FILIP1L: variants seen among roughly 807,000 people sequenced by gnomAD.
The protein encoded by FILIP1L is filamin A-interacting protein 1-like.
In FILIP1L, 55 loss-of-function variants were observed where a neutral mutation model predicts 96.6. The ratio of observed to expected loss-of-function variants is 0.57; its 90% CI spans 0.46 to 0.71. FILIP1L has a LOEUF of 0.71. FILIP1L is among the 30% of genes least tolerant of loss of function. FILIP1L has a pLI of 0.00. For synonymous variants in FILIP1L, 467 were observed against 473.9 expected (o/e 0.99, Z 0.19); for missense variants, 1,304 against 1,321.2 (o/e 0.99, Z 0.20).
intron 1 of FILIP1L, among the ~76,000 whole-genome samples, chr3:100,113,253 G>T (rs1377432028): frequency 6.6e-6 from 1 of 152,194 alleles, no homozygotes; most frequent in Non-Finnish European, 1.5e-5. Context: ...AAACTGTGCA[G>T]CCACCCTAAA....
intron 1 of FILIP1L, among the ~76,000 whole-genome samples, chr3:99,944,181 A>G (rs1308641337): frequency 2.0e-5 from 3 of 152,234 alleles, no homozygotes; most frequent in Non-Finnish European, 2.9e-5. Context: ...GTGCTAAACA[A>G]GTATTTTAAG....
chr3:99,856,581 C>T (rs989608986), intron 4 of FILIP1L, among the ~76,000 whole-genome samples: 2 of 152,136 alleles, frequency 1.3e-5, no homozygotes, highest in African/African-American at 4.8e-5. Context: ...TACAGCTTTC[C>T]GTTAGAGTTT....
chr3:100,059,679 C>T (rs1000408239), intron 1 of FILIP1L, among the ~76,000 whole-genome samples: 3 of 152,188 alleles, frequency 2.0e-5, no homozygotes, highest in Non-Finnish European at 4.4e-5. Context: ...TGAAAAGGAC[C>T]CATCATGCCT....
At chr3:100,079,713 T>C (rs893811878) in intron 1 of FILIP1L, among the ~76,000 whole-genome samples, 56 of 152,252 alleles carry the variant, frequency 3.7e-4, no homozygotes, top group African/African-American at 1.2e-3. Flanking sequence ...ATTAGGTACC[T>C]GTATTCACAC....
At chr3:99,903,583 G>T (rs1208514439) in intron 4 of FILIP1L, among the ~76,000 whole-genome samples, 1 of 152,058 alleles carries the variant, frequency 6.6e-6, no homozygotes, top group Non-Finnish European at 1.5e-5. Flanking sequence ...TTCCATATGG[G>T]TTAGGTGGAC....
intron 5 of FILIP1L, among the ~76,000 whole-genome samples, chr3:99,836,672 A>G (rs1942911621): frequency 6.6e-6 from 1 of 152,156 alleles, no homozygotes; most frequent in African/African-American, 2.4e-5. Context: ...CTCTATCTTA[A>G]TGATAAGAAT....
chr3:100,068,764 A>G (rs916254496), intron 1 of FILIP1L, among the ~76,000 whole-genome samples: 2 of 152,078 alleles, frequency 1.3e-5, no homozygotes, highest in Non-Finnish European at 2.9e-5. Flanking sequence ...AGTAGCTGGG[A>G]ATACAGGCGC....
intron 1 of FILIP1L, among the ~76,000 whole-genome samples, chr3:100,059,493 A>G (rs1439661391): frequency 6.6e-6 from 1 of 152,100 alleles, no homozygotes; most frequent in East Asian, 1.9e-4. Flanking sequence ...TTATTAAATA[A>G]TGGTGTGCTA....
intron 1 of FILIP1L, among the ~76,000 whole-genome samples, chr3:100,038,441 T>C (rs2107282225): frequency 6.6e-6 from 1 of 152,342 alleles, no homozygotes; most frequent in Middle Eastern, 3.4e-3. Flanking sequence ...TTTTTTTGCT[T>C]ATAGAGAATT....
At chr3:100,072,648 A>G (rs2065782485) in intron 1 of FILIP1L, among the ~76,000 whole-genome samples, 1 of 152,186 alleles carries the variant, frequency 6.6e-6, no homozygotes, top group African/African-American at 2.4e-5. Flanking sequence ...CAATTAGGAA[A>G]TCTTTATTGC....
intron 1 of FILIP1L, among the ~76,000 whole-genome samples, chr3:100,046,403 A>G (rs2107305298): frequency 6.6e-6 from 1 of 152,156 alleles, no homozygotes; most frequent in East Asian, 1.9e-4. Context: ...TATTTCTCAA[A>G]GTTGTCACTG....
At position 99,830,240 on chromosome 3, in the gene FILIP1L, T is replaced by C. The variant is rs1942625804; in HGVS notation, c.*174A>G. On this transcript the variant is annotated 3_prime_UTR_variant, in exon 6 of 6. Transcript: ENST00000477258. ...GAGTGTTTGTGTGTGCATATACACA[T>C]ATAGAAGTAAAATAATTGTAGACGT... is the stretch of plus-strand genomic sequence containing the variant. 8.7e-5 allele frequency: 30 copies of C among 343,146 alleles called. No homozygotes were observed. Among genetic ancestry groups the C allele is most frequent in the South Asian group, 6.2e-4 (27 of 43,460 alleles). 21.3% of individuals were successfully genotyped at this position (343,146 alleles called of 1,614,324 possible). A position where few individuals can be genotyped will look rare whatever the true frequency, so the allele number is the denominator to read the frequency against.
chr3:100,110,615 T>C (rs2066474893), intron 1 of FILIP1L, among the ~76,000 whole-genome samples: 1 of 152,222 alleles, frequency 6.6e-6, no homozygotes, highest in Non-Finnish European at 1.5e-5. Flanking sequence ...TGCTTGGTCA[T>C]AGCTAATAAT....
At chr3:99,925,490 A>G (rs1429472122) in intron 3 of FILIP1L, among the ~76,000 whole-genome samples, 1 of 152,202 alleles carries the variant, frequency 6.6e-6, no homozygotes, top group African/African-American at 2.4e-5. Context: ...CAAGCAAGCA[A>G]GGAAACTGAG....
intron 1 of FILIP1L, among the ~76,000 whole-genome samples, chr3:100,074,894 G>A (rs1026818293): frequency 6.6e-5 from 10 of 151,382 alleles, no homozygotes; most frequent in East Asian, 2.0e-4. Context: ...GGGTTTCGCC[G>A]TGTTGGCCAG....
At chr3:100,097,084 C>A (rs538310442) in intron 1 of FILIP1L, among the ~76,000 whole-genome samples, 2 of 152,258 alleles carry the variant, frequency 1.3e-5, no homozygotes, top group East Asian at 3.9e-4. Flanking sequence ...TGTCATTACT[C>A]CACTTCCTGT....
intron 1 of FILIP1L, among the ~76,000 whole-genome samples, chr3:100,110,270 C>T (rs1476019572): frequency 6.6e-6 from 1 of 152,122 alleles, no homozygotes; most frequent in Admixed American, 6.6e-5. Context: ...TTAGGGGCAG[C>T]TGAAACAAGG....
intron 4 of FILIP1L, among the ~76,000 whole-genome samples, chr3:99,862,041 A>G (rs768482837): frequency 6.6e-6 from 1 of 152,228 alleles, no homozygotes; most frequent in Non-Finnish European, 1.5e-5. Flanking sequence ...CGTTCTCATT[A>G]GAAGTAGGAT....
intron 1 of FILIP1L, among the ~76,000 whole-genome samples, chr3:100,063,745 C>G (rs1362176478): frequency 2.6e-5 from 4 of 151,920 alleles, no homozygotes; most frequent in African/African-American, 9.7e-5. Context: ...AAAAGTCAAC[C>G]TGAATAAAAT....
Sources: allele counts gnomAD v4.1 joint callset (sites outside exome capture counted in the v4.1 genomes callset), GRCh38; gene constraint gnomAD v4.1.1; transcripts MANE v1.5; gene names NCBI Gene and HGNC (gene_info 2026-07-23, HGNC 2026-07-21).